Variants in PPARD observed in about 807,000 individuals in gnomAD.
PPARD encodes peroxisome proliferator-activated receptor delta.
Under a neutral mutation model 39.5 loss-of-function variants are expected in PPARD, and 6 were observed. The ratio of observed to expected loss-of-function variants is 0.15; its 90% CI spans 0.08 to 0.30. The LOEUF (loss-of-function observed/expected upper bound fraction) is 0.30. Ranked by LOEUF, PPARD falls within the 10% of genes least tolerant of loss-of-function variation. The pLI, the probability that PPARD is intolerant of heterozygous loss-of-function variation, is 1.00. For synonymous variants in PPARD, 210 were observed against 231.3 expected, an observed-to-expected ratio of 0.91 and a Z score of 0.83; for missense variants, 397 against 596.8, an observed-to-expected ratio of 0.67 and a Z score of 3.49.
At chr6:35,367,522 A>G (rs1278620825) in intron 2 of PPARD, among the ~76,000 whole-genome samples, 1 of 152,146 alleles carries the variant, frequency 6.6e-6, no homozygotes, top group Non-Finnish European at 1.5e-5. Context: ...AGAAAAATCC[A>G]TTTGCTCAAG....
chr6:35,397,331 C>G (rs960262068), intron 2 of PPARD, among the ~76,000 whole-genome samples: 3 of 150,772 alleles, frequency 2.0e-5, no homozygotes, highest in African/African-American at 7.4e-5. Flanking sequence ...AAAAATGAAG[C>G]CCCCCCTCCC....
chr6:35,400,645 C>T (rs1299401164), intron 2 of PPARD, among the ~76,000 whole-genome samples: 1 of 151,944 alleles, frequency 6.6e-6, no homozygotes, highest in African/African-American at 2.4e-5. Flanking sequence ...ACAAAAAATA[C>T]AAAAATTTGC....
Position 35,421,872 on chromosome 6 carries a change from G to A in PPARD, c.338G>A (p.Arg113His), listed in dbSNP as rs200111529. 3.9e-5 allele frequency: 63 copies of A among 1,613,896 alleles called. No homozygotes were observed. The highest frequency in any genetic ancestry group is 1.2e-4 in the Admixed American group (7 of 59,978). ...RMKLEYEKCE[R>H]SCKIQKKNRN... ...AAGCTGGAGTACGAGAAGTGTGAGC[G>A]CAGCTGCAAGATTCAGAAGAAGAAC... Residue 113 changes from arginine to histidine, a missense_variant, in exon 5 of 8, where the codon CGC becomes CAC. Transcript: ENST00000360694.
At chr6:35,405,008 T>C (rs1385439217) in intron 2 of PPARD, among the ~76,000 whole-genome samples, 1 of 150,350 alleles carries the variant, frequency 6.7e-6, no homozygotes, top group Non-Finnish European at 1.5e-5. Context: ...TGTACACACA[T>C]ACATATATGT....
Position 35,421,873 on chromosome 6 carries a change from C to A in PPARD, c.339C>A (p.Arg113=). Residue 113 remains arginine (R), a synonymous_variant, in exon 5 of 8, where the codon CGC becomes CGA. Coordinates refer to ENST00000360694, the MANE Select transcript of PPARD (RefSeq NM_006238.5). ...RMKLEYEKCE[R]SCKIQKKNRN... ...AGCTGGAGTACGAGAAGTGTGAGCG[C>A]AGCTGCAAGATTCAGAAGAAGAACC... 6.2e-7 allele frequency: 1 copy of A among 1,614,084 alleles called. No individual in the cohort carries two copies. Among genetic ancestry groups the A allele is most frequent in the Non-Finnish European group, 8.5e-7 (1 of 1,179,980 alleles).
chr6:35,383,928 G>T (rs1763340834), intron 2 of PPARD, among the ~76,000 whole-genome samples: 1 of 134,438 alleles, frequency 7.4e-6, no homozygotes, highest in South Asian at 2.1e-4. Flanking sequence ...ACCCCGTCCG[G>T]GAGGGAGGTG....
chr6:35,350,644 A>G (rs1761186621), intron 2 of PPARD, among the ~76,000 whole-genome samples: 1 of 78,942 alleles, frequency 1.3e-5, no homozygotes, highest in Non-Finnish European at 2.4e-5. Context: ...TCTCTGAGAC[A>G]GAGTTTTGCT....
At chr6:35,399,546 C>T (rs1012053455) in intron 2 of PPARD, among the ~76,000 whole-genome samples, 2 of 152,006 alleles carry the variant, frequency 1.3e-5, no homozygotes, top group Non-Finnish European at 2.9e-5. Flanking sequence ...GAAAACCCAT[C>T]TCTACTAAAA....
chr6:35,398,771 C>T (rs574235133), intron 2 of PPARD, among the ~76,000 whole-genome samples: 68 of 152,098 alleles, frequency 4.5e-4, no homozygotes, highest in Non-Finnish European at 9.3e-4. Context: ...CACATGCTAT[C>T]GTGGGTCAAG....
intron 2 of PPARD, among the ~76,000 whole-genome samples, chr6:35,354,150 T>C (rs1761422997): frequency 7.2e-6 from 1 of 139,288 alleles, no homozygotes; most frequent in Non-Finnish European, 1.5e-5. Flanking sequence ...GAGAATGGCA[T>C]GAACCCGGGA....
intron 2 of PPARD, among the ~76,000 whole-genome samples, chr6:35,404,951 CTT>C (rs1491552143): frequency 1.8e-4 from 19 of 102,970 alleles, no homozygotes; most frequent in East Asian, 1.0e-3. Flanking sequence ...GCACTGCAGG[CTT>C]TGTGTGTGTG....
intron 2 of PPARD, among the ~76,000 whole-genome samples, chr6:35,388,381 T>G (rs1046645961): frequency 6.6e-6 from 1 of 151,980 alleles, no homozygotes; most frequent in African/African-American, 2.4e-5. Context: ...GGGGAGAGCT[T>G]CCGGGAAGGG....
At chr6:35,405,442 G>A (rs114060469) in intron 2 of PPARD, among the ~76,000 whole-genome samples, 1,951 of 152,118 alleles carry the variant, frequency 0.013, 55 homozygotes, top group African/African-American at 0.044. Context: ...CCCTTGTGTT[G>A]TCTGGGGGTC....
intron 2 of PPARD, among the ~76,000 whole-genome samples, chr6:35,393,481 G>A (rs1384725502): frequency 3.3e-5 from 5 of 152,150 alleles, no homozygotes; most frequent in Admixed American, 6.5e-5. Flanking sequence ...TCATCAATAA[G>A]TCACTCCGGT....
At chr6:35,399,113 A>C (rs9380506) in intron 2 of PPARD, among the ~76,000 whole-genome samples, 12,416 of 149,910 alleles carry the variant, frequency 0.083, 694 homozygotes, top group East Asian at 0.25. Context: ...CCTGTCCCCC[A>C]AAAAAAAGGC....
At chr6:35,357,725 C>T (rs551241518) in intron 2 of PPARD, among the ~76,000 whole-genome samples, 16 of 152,030 alleles carry the variant, frequency 1.1e-4, no homozygotes, top group Non-Finnish European at 7.4e-5. Context: ...TTAGTAGAGA[C>T]GGGATTTCAC....
intron 2 of PPARD, among the ~76,000 whole-genome samples, chr6:35,395,875 G>A (rs1442923741): frequency 6.6e-6 from 1 of 152,158 alleles, no homozygotes; most frequent in Non-Finnish European, 1.5e-5. Context: ...GGGATAATGG[G>A]TACCTGCCTT....
rs530830994 is a variant in PPARD at position 35,421,052 on chromosome 6, C to T, written c.286-768C>T. Reference sequence around the variant, plus strand: ...ACATTGGCCAGGCTGGTCTCGAACTCCTGACCTCAGGTGATCCACCTGCCT... The same window carrying T: ...ACATTGGCCAGGCTGGTCTCGAACTTCTGACCTCAGGTGATCCACCTGCCT... On this transcript the variant is annotated intron_variant, in intron 4 of 7. Transcript: ENST00000360694. Among the ~76,000 whole-genome samples, 12 of 152,130 alleles carry T rather than the reference C, an allele frequency of 7.9e-5. 1 individual carries two copies. The South Asian group carries it at 2.3e-3, about 29-fold the overall frequency.
chr6:35,357,556 T>A (rs77074165), intron 2 of PPARD, among the ~76,000 whole-genome samples: 6 of 151,424 alleles, frequency 4.0e-5, no homozygotes, highest in East Asian at 3.9e-4. Context: ...TTTTTTTTTT[T>A]AAGACAGTCT....
Sources: gnomAD v4.1 joint callset for allele counts (sites outside exome capture counted in the v4.1 genomes callset) on GRCh38, gnomAD v4.1.1 for gene constraint, MANE v1.5 for transcripts, NCBI Gene and HGNC (gene_info 2026-07-23, HGNC 2026-07-21) for gene names.